The following RBFOX1 variants were observed in gnomAD, a reference collection of about 807,000 sequenced individuals.
The protein encoded by RBFOX1 is RNA binding fox-1 homolog 1, also known as RNA binding protein fox-1 homolog 1.
Under a neutral mutation model 57.7 loss-of-function variants are expected in RBFOX1, and 8 were observed. The ratio of observed to expected loss-of-function variants is 0.14; its 90% confidence interval spans 0.08 to 0.25. The LOEUF (loss-of-function observed/expected upper bound fraction) is 0.25. Ranked by LOEUF, RBFOX1 falls within the 10% of genes least tolerant of loss-of-function variation. RBFOX1 has a pLI of 1.00. For missense variants in RBFOX1, 611 were observed against 548.5 expected, an observed-to-expected ratio of 1.11 and a Z score of -1.14; for synonymous variants, 326 against 222.4, an observed-to-expected ratio of 1.47 and a Z score of -4.15.
chr16:5,664,419 G>T (rs2049763755), intron 3 of RBFOX1, among the ~76,000 whole-genome samples: 1 of 152,112 alleles, frequency 6.6e-6, no homozygotes, highest in Admixed American at 6.6e-5. Flanking sequence ...ACGGTGGTGT[G>T]TGCCTGTAGA....
In RBFOX1 at chr16:6,998,184, C is replaced by T. The variant is rs148387690; in HGVS notation, c.-15-53873C>T. Among the ~76,000 whole-genome samples the T allele has an allele frequency of 8.0e-4, 122 of 152,116 alleles. 1 individual carries two copies. The East Asian group carries it at 0.022, about 27-fold the overall frequency. ...TAAAATGAAAGCAGCCAAAGCAGTA[C>T]ATTTGGTGGATTAGTAGTGATTTAG... On this transcript the variant is annotated intron_variant, in intron 3 of 15. Transcript: ENST00000550418.
intron 4 of RBFOX1, among the ~76,000 whole-genome samples, chr16:7,316,364 G>A (rs573117076): frequency 6.6e-5 from 10 of 152,208 alleles, no homozygotes; most frequent in Non-Finnish European, 1.3e-4. Flanking sequence ...TCTGTTTACA[G>A]AAGGCATAGC....
At chr16:5,250,463 C>T (rs566260845) in intron 1 of RBFOX1, among the ~76,000 whole-genome samples, 1 of 152,180 alleles carries the variant, frequency 6.6e-6, no homozygotes, top group Non-Finnish European at 1.5e-5. Context: ...TGTTGTTCCC[C>T]TCTCTGTGTC....
intron 4 of RBFOX1, among the ~76,000 whole-genome samples, chr16:7,293,692 T>C (rs919064571): frequency 6.6e-6 from 1 of 152,106 alleles, no homozygotes; most frequent in East Asian, 1.9e-4. Flanking sequence ...CGAGGTGAGA[T>C]TTTTGAGAGC....
intron 2 of RBFOX1, among the ~76,000 whole-genome samples, chr16:6,623,546 A>T (rs1306713890): frequency 6.6e-6 from 1 of 151,930 alleles, no homozygotes; most frequent in East Asian, 1.9e-4. Flanking sequence ...TGCACTCATT[A>T]ACTCGTCATT....
At chr16:7,189,680 GA>G (rs199656368) in intron 4 of RBFOX1, among the ~76,000 whole-genome samples, 1,739 of 152,182 alleles carry the variant, frequency 0.011, 31 homozygotes, top group African/African-American at 0.04. Flanking sequence ...CTACCACTGG[GA>G]AAAAGGTACC....
chr16:5,696,887 T>C (rs886935989), intron 3 of RBFOX1, among the ~76,000 whole-genome samples: 14 of 152,104 alleles, frequency 9.2e-5, no homozygotes, highest in African/African-American at 3.1e-4. Flanking sequence ...TGTACACATA[T>C]ATACTTACAG....
intron 13 of RBFOX1, among the ~76,000 whole-genome samples, chr16:7,665,891 T>A (rs2069105609): frequency 6.6e-6 from 1 of 152,226 alleles, no homozygotes; most frequent in South Asian, 2.1e-4. Context: ...GTATTCCTTT[T>A]GAATTTCAAA....
chr16:6,807,812 C>G (rs1251983372), intron 3 of RBFOX1, among the ~76,000 whole-genome samples: 2 of 151,356 alleles, frequency 1.3e-5, no homozygotes, highest in African/African-American at 2.4e-5. Context: ...GAGACTCCAT[C>G]TCAAAAAAAG....
At chr16:5,591,188 C>T (rs1233945709) in intron 2 of RBFOX1, among the ~76,000 whole-genome samples, 1 of 151,842 alleles carries the variant, frequency 6.6e-6, no homozygotes, top group Admixed American at 6.6e-5. Context: ...GTACAAAATT[C>T]AAGGGTCAGA....
chr16:5,698,562 A>G (rs984666127), intron 3 of RBFOX1, among the ~76,000 whole-genome samples: 2 of 152,184 alleles, frequency 1.3e-5, no homozygotes, highest in African/African-American at 4.8e-5. Context: ...TATCTAAACA[A>G]AAATACTGTA....
intron 1 of RBFOX1, among the ~76,000 whole-genome samples, chr16:6,145,054 G>T (rs1597753103): frequency 6.6e-6 from 1 of 151,686 alleles, no homozygotes; most frequent in East Asian, 1.9e-4. Context: ...TAACTTTAAA[G>T]TTCATGGGCA....
rs142117479 is a variant in RBFOX1 at position 6,240,539 on chromosome 16, A to T, written c.-126-76456A>T. Among the ~76,000 whole-genome samples, 38 of 152,098 alleles carry T rather than the reference A, an allele frequency of 2.5e-4. No homozygotes were observed. The East Asian group carries it at 7.2e-3, about 29-fold the overall frequency. On this transcript the variant is annotated intron_variant, in intron 1 of 15. Transcript: ENST00000550418. ...AACTCACTCTTTGGCACAATTTTCAAACTCTTCATCATCTTATACTTTGTC... is the reference window on the plus strand; with the variant it reads ...AACTCACTCTTTGGCACAATTTTCATACTCTTCATCATCTTATACTTTGTC...
At chr16:6,385,966 T>C (rs938653231) in intron 2 of RBFOX1, among the ~76,000 whole-genome samples, 86 of 150,598 alleles carry the variant, frequency 5.7e-4, no homozygotes, top group African/African-American at 1.8e-3. Flanking sequence ...GATGGAGTCT[T>C]GCTCTGTCGC....
chr16:6,299,741 G>A lies in RBFOX1; in HGVS notation c.-126-17254G>A, dbSNP rs531040802. 5.6e-4 allele frequency among the ~76,000 whole-genome samples: 85 copies of A among 152,272 alleles called. 1 individual carries two copies. Among genetic ancestry groups the A allele is most frequent in the South Asian group, 3.9e-3 (19 of 4,822 alleles). On this transcript the variant is annotated intron_variant, in intron 1 of 15. Transcript: ENST00000550418. ...AGTGGCCAAAAGCGTGGACTCTGGCGTCTGCTGGGTCTCAGTTAAAGGCGT... is the reference window on the plus strand; with the variant it reads ...AGTGGCCAAAAGCGTGGACTCTGGCATCTGCTGGGTCTCAGTTAAAGGCGT...
At chr16:7,055,538 G>C (rs1393618791) in intron 4 of RBFOX1, among the ~76,000 whole-genome samples, 2 of 152,106 alleles carry the variant, frequency 1.3e-5, no homozygotes, top group Non-Finnish European at 2.9e-5. Context: ...CAGAAGGAAG[G>C]AGAAGAGGAG....
chr16:5,820,231 C>T (rs1216396196), intron 3 of RBFOX1, among the ~76,000 whole-genome samples: 1 of 152,210 alleles, frequency 6.6e-6, no homozygotes, highest in Non-Finnish European at 1.5e-5. Context: ...AGCCTGACTG[C>T]AAAGTTCATT....
chr16:6,083,726 C>A (rs1258195468), intron 1 of RBFOX1, among the ~76,000 whole-genome samples: 1 of 152,140 alleles, frequency 6.6e-6, no homozygotes, highest in Non-Finnish European at 1.5e-5. Context: ...ATCCTCCTAC[C>A]TTGGCCTCCC....
At chr16:6,348,778 C>G (rs146348762) in intron 2 of RBFOX1, among the ~76,000 whole-genome samples, 1 of 152,038 alleles carries the variant, frequency 6.6e-6, no homozygotes, top group African/African-American at 2.4e-5. Context: ...ATGAAGGATC[C>G]ACACCCTTGA....
Sources: gnomAD v4.1 joint callset for allele counts (sites outside exome capture counted in the v4.1 genomes callset) on GRCh38, gnomAD v4.1.1 for gene constraint, MANE v1.5 for transcripts, NCBI Gene and HGNC (gene_info 2026-07-23, HGNC 2026-07-21) for gene names.